PDE1A: variants seen among roughly 807,000 people sequenced by gnomAD.
PDE1A encodes dual specificity calcium/calmodulin-dependent 3',5'-cyclic nucleotide phosphodiesterase 1A.
In PDE1A, 35 loss-of-function variants were observed where a neutral mutation model predicts 61.7. The observed-to-expected ratio is 0.57, with a 90% CI of 0.43 to 0.75. The LOEUF (loss-of-function observed/expected upper bound fraction) is 0.75, where lower values mean the gene tolerates loss of function less well. PDE1A is among the 30% of genes least tolerant of loss of function. PDE1A has a pLI of 0.00. For missense variants in PDE1A, 597 were observed against 630.6 expected, an observed-to-expected ratio of 0.95 and a Z score of 0.57; for synonymous variants, 232 against 213.2, an observed-to-expected ratio of 1.09 and a Z score of -0.77.
chr2:182,262,955 A>ATGTG (rs60469609), intron 2 of PDE1A, among the ~76,000 whole-genome samples: 7,994 of 147,200 alleles, frequency 0.054, 257 homozygotes, highest in Middle Eastern at 0.067. Context: ...TTATTAAACA[A>ATGTG]TGTGTGTGTG....
chr2:182,597,512 G>T, the PDE1A span, among the ~76,000 whole-genome samples: 3 of 152,142 alleles, frequency 2.0e-5, no homozygotes. Flanking sequence ...TGAGAGCTGA[G>T]GGGTCCTGGG....
chr2:182,691,968 A>C, the PDE1A span, among the ~76,000 whole-genome samples: 1 of 152,338 alleles, frequency 6.6e-6, no homozygotes, highest in South Asian at 2.1e-4. Flanking sequence ...TCAAAACCAC[A>C]ATGAGATATC....
intron 10 of PDE1A, among the ~76,000 whole-genome samples, chr2:182,196,185 TTC>T (rs1172256601): frequency 1.3e-5 from 2 of 152,040 alleles, no homozygotes; most frequent in Non-Finnish European, 2.9e-5. Flanking sequence ...CTCCACATTT[TTC>T]TGTTTTGCTG....
chr2:182,527,790 G>A (rs996015449), upstream of PDE1A, among the ~76,000 whole-genome samples: 3 of 151,928 alleles, frequency 2.0e-5, no homozygotes, highest in Non-Finnish European at 2.9e-5. Context: ...TGAATCATAG[G>A]GGTGGTTTCC....
At chr2:182,238,481 A>G (rs1690246644) in intron 3 of PDE1A, among the ~76,000 whole-genome samples, 1 of 152,038 alleles carries the variant, frequency 6.6e-6, no homozygotes, top group South Asian at 2.1e-4. Flanking sequence ...TTCAGAATGC[A>G]TTTGGGTAAG....
At chr2:182,496,976 G>A (rs1037857080) in intron 2 of PDE1A, among the ~76,000 whole-genome samples, 1 of 151,950 alleles carries the variant, frequency 6.6e-6, no homozygotes, top group Admixed American at 6.6e-5. Flanking sequence ...TTACTTTAAG[G>A]TTACTTATTT....
At chr2:182,570,535 G>C in the PDE1A span, among the ~76,000 whole-genome samples, 9 of 152,150 alleles carry the variant, frequency 5.9e-5, no homozygotes, top group African/African-American at 2.2e-4. Flanking sequence ...AAAGCCCTCA[G>C]TAGCATTGTC....
At chr2:182,478,723 A>G (rs907046504) in intron 2 of PDE1A, among the ~76,000 whole-genome samples, 10 of 151,860 alleles carry the variant, frequency 6.6e-5, no homozygotes, top group Non-Finnish European at 1.0e-4. Flanking sequence ...GGCTAGCACA[A>G]ACTCTTTTCT....
At chr2:182,443,327 A>G (rs1443423672) in intron 2 of PDE1A, among the ~76,000 whole-genome samples, 1 of 152,054 alleles carries the variant, frequency 6.6e-6, no homozygotes, top group Non-Finnish European at 1.5e-5. Flanking sequence ...TTATATATTT[A>G]AGCTTCATAA....
At chr2:182,609,288 C>T in the PDE1A span, among the ~76,000 whole-genome samples, 4 of 152,186 alleles carry the variant, frequency 2.6e-5, no homozygotes, top group South Asian at 2.1e-4. Context: ...ACAGACCAAT[C>T]GGCTCTCTGT....
At chr2:182,555,965 C>CAAAAAAAAAAAAAAAAAAAAAAAAAAAAA in the PDE1A span, among the ~76,000 whole-genome samples, 2 of 48,420 alleles carry the variant, frequency 4.1e-5, no homozygotes, top group Non-Finnish European at 3.4e-5. Context: ...AACTCCATCT[C>CAAAAAAAAAAAAAAAAAAAAAAAAAAAAA]AAAAAAAAAA....
At chr2:182,226,637 C>T (rs1203961258) in intron 6 of PDE1A, among the ~76,000 whole-genome samples, 1 of 149,638 alleles carries the variant, frequency 6.7e-6, no homozygotes, top group Middle Eastern at 3.2e-3. Context: ...TGAGGGCAAG[C>T]CAGAGAGAAC....
At chr2:182,411,152 T>C (rs897716115) in intron 1 of PDE1A, among the ~76,000 whole-genome samples, 1 of 152,244 alleles carries the variant, frequency 6.6e-6, no homozygotes, top group South Asian at 2.1e-4. Flanking sequence ...GTTCCAAGGA[T>C]AACCACTGTC....
the PDE1A span, among the ~76,000 whole-genome samples, chr2:182,569,578 A>G: frequency 2.6e-5 from 4 of 152,200 alleles, no homozygotes; most frequent in African/African-American, 2.4e-5. Flanking sequence ...AAAGTCCCAC[A>G]GAATGACACA....
intron 1 of PDE1A, among the ~76,000 whole-genome samples, chr2:182,278,268 T>C (rs2125841282): frequency 6.6e-6 from 1 of 152,104 alleles, no homozygotes; most frequent in East Asian, 1.9e-4. Context: ...TTGAGTTGAG[T>C]CTTCTAATTT....
chr2:182,168,099 G>T, exon 14 of PDE1A: 1 of 1,359,720 alleles, frequency 7.4e-7, no homozygotes. Context: ...TTATTTATGT[G>T]GCTCATGATG....
intron 2 of PDE1A, among the ~76,000 whole-genome samples, chr2:182,495,657 G>A (rs1688668737): frequency 6.6e-6 from 1 of 152,116 alleles, no homozygotes; most frequent in South Asian, 2.1e-4. Context: ...CCTGCCCCAA[G>A]AGGCAACAAG....
chr2:182,505,003 A>G (rs1689310955), intron 2 of PDE1A, among the ~76,000 whole-genome samples: 1 of 152,220 alleles, frequency 6.6e-6, no homozygotes, highest in East Asian at 1.9e-4. Context: ...CCAATTCTAA[A>G]GTATTTAGCC....
At chr2:182,560,501 G>A in the PDE1A span, among the ~76,000 whole-genome samples, 1 of 150,990 alleles carries the variant, frequency 6.6e-6, no homozygotes, top group East Asian at 1.9e-4. Context: ...CTTTGCTATT[G>A]TGAATAGTGC....
Sources: allele counts gnomAD v4.1 joint callset (sites outside exome capture counted in the v4.1 genomes callset), GRCh38; gene constraint gnomAD v4.1.1; transcripts MANE v1.5; gene names NCBI Gene and HGNC (gene_info 2026-07-23, HGNC 2026-07-21).